The following ZDHHC14 variants were observed in gnomAD, a reference collection of about 807,000 sequenced individuals.
ZDHHC14 encodes the protein zDHHC palmitoyltransferase 14.
In ZDHHC14, 16 loss-of-function variants were observed where a neutral mutation model predicts 47.7. That is an observed-to-expected ratio of 0.34 (90% CI 0.23 to 0.51). The LOEUF is 0.51. Ranked by LOEUF, ZDHHC14 falls within the 20% of genes least tolerant of loss-of-function variation. The pLI is 0.97. For synonymous variants in ZDHHC14, 293 were observed against 278.9 expected (o/e 1.05, Z -0.50); for missense variants, 515 against 662.5 (o/e 0.78, Z 2.44).
chr6:157,594,863 G>C (rs1784059576), intron 3 of ZDHHC14, among the ~76,000 whole-genome samples: 1 of 152,102 alleles, frequency 6.6e-6, no homozygotes, highest in South Asian at 2.1e-4. Flanking sequence ...AATATCTCTG[G>C]GGGAACCGTC....
rs577725017 is a variant in ZDHHC14, at chr6:157,646,574, C to T, written c.856-685C>T. Among the ~76,000 whole-genome samples the T allele has an allele frequency of 5.4e-5, 8 of 147,844 alleles. No individual in the cohort carries two copies. The East Asian group carries it at 1.4e-3, about 25-fold the overall frequency. ...GTTGCAGTGAGCTGAGATAGCGCCA[C>T]TGCACTCCAGCCTGGGTGACAGAGC... On this transcript the variant is annotated intron_variant, in intron 6 of 8. Coordinates refer to ENST00000359775, the MANE Select transcript of ZDHHC14 (RefSeq NM_024630.3).
intron 1 of ZDHHC14, among the ~76,000 whole-genome samples, chr6:157,476,373 G>C (rs1779483522): frequency 1.3e-5 from 2 of 152,114 alleles, no homozygotes; most frequent in Non-Finnish European, 2.9e-5. Flanking sequence ...TAGAAAACCT[G>C]AACAAACCAA....
At chr6:157,554,011 A>G (rs1782353839) in intron 2 of ZDHHC14, among the ~76,000 whole-genome samples, 1 of 152,216 alleles carries the variant, frequency 6.6e-6, no homozygotes, top group Non-Finnish European at 1.5e-5. Context: ...AGGCTTTTAG[A>G]GAAAAAACTT....
At chr6:157,394,589 C>G (rs900668952) in intron 1 of ZDHHC14, among the ~76,000 whole-genome samples, 13 of 152,212 alleles carry the variant, frequency 8.5e-5, no homozygotes. Context: ...TGAACCTTCA[C>G]GTGCTTTGAC....
rs534114813 is a variant in ZDHHC14 at position 157,592,131 on chromosome 6, G to A, written c.407-857G>A. On this transcript the variant is annotated intron_variant, in intron 2 of 8. Transcript: ENST00000359775. ...AACCTTGCCCACGTGAGAACAACCC[G>A]GGTCATTCTGATTTAATAAATCTGG... 2.5e-4 allele frequency among the ~76,000 whole-genome samples: 38 copies of A among 152,002 alleles called. No homozygotes were observed. The South Asian group carries it at 5.0e-3, about 20-fold the overall frequency.
intron 7 of ZDHHC14, among the ~76,000 whole-genome samples, chr6:157,649,307 C>T (rs587437): frequency 0.39 from 59,976 of 152,042 alleles, 12,127 homozygotes; most frequent in African/African-American, 0.47. Context: ...TGGGTGAAGG[C>T]AGAGCAAGAC....
chr6:157,393,240 C>A (rs1777455431), intron 1 of ZDHHC14, among the ~76,000 whole-genome samples: 1 of 152,218 alleles, frequency 6.6e-6, no homozygotes, highest in African/African-American at 2.4e-5. Flanking sequence ...ATAATCATTT[C>A]TGTACATCTT....
chr6:157,388,907 C>T (rs1038808981), intron 1 of ZDHHC14, among the ~76,000 whole-genome samples: 5 of 152,174 alleles, frequency 3.3e-5, no homozygotes, highest in African/African-American at 7.2e-5. Context: ...TCCCTGAGGT[C>T]GTCACAGTCT....
At chr6:157,473,368 A>G (rs867170627) in intron 1 of ZDHHC14, among the ~76,000 whole-genome samples, 1 of 152,260 alleles carries the variant, frequency 6.6e-6, no homozygotes, top group Middle Eastern at 3.4e-3. Flanking sequence ...TTCTTCGATA[A>G]GTTTCACTTT....
chr6:157,577,830 CG>C (rs1232520822), intron 2 of ZDHHC14, among the ~76,000 whole-genome samples: 4 of 152,202 alleles, frequency 2.6e-5, no homozygotes, highest in South Asian at 2.1e-4. Flanking sequence ...GGATTACAGG[CG>C]TGAGCCACAG....
chr6:157,642,126 C>G (rs550542333), intron 5 of ZDHHC14, among the ~76,000 whole-genome samples: 10 of 152,256 alleles, frequency 6.6e-5, no homozygotes, highest in Admixed American at 4.6e-4. Flanking sequence ...TGCACAAGCC[C>G]ACATTGTATT....
At chr6:157,441,635 T>C (rs191001681) in intron 1 of ZDHHC14, among the ~76,000 whole-genome samples, 2 of 152,278 alleles carry the variant, frequency 1.3e-5, no homozygotes, top group Non-Finnish European at 2.9e-5. Flanking sequence ...GATCAGGAGT[T>C]TGAGACCAGC....
At chr6:157,634,641 C>T (rs551360835) in intron 5 of ZDHHC14, among the ~76,000 whole-genome samples, 1 of 152,364 alleles carries the variant, frequency 6.6e-6, no homozygotes, top group South Asian at 2.1e-4. Context: ...TCAGAACTGG[C>T]ACTGGGGCCC....
chr6:157,550,490 C>T (rs1782183812), intron 2 of ZDHHC14, among the ~76,000 whole-genome samples: 1 of 151,540 alleles, frequency 6.6e-6, no homozygotes. Context: ...CACAGCGTCA[C>T]ACAGGCACTC....
chr6:157,409,374 G>T (rs1048770052), intron 1 of ZDHHC14, among the ~76,000 whole-genome samples: 1 of 152,178 alleles, frequency 6.6e-6, no homozygotes, highest in Non-Finnish European at 1.5e-5. Context: ...CTTTCTAGAA[G>T]CAGAGGGAGC....
chr6:157,491,716 T>G (rs1006025963), intron 1 of ZDHHC14, among the ~76,000 whole-genome samples: 3 of 152,124 alleles, frequency 2.0e-5, no homozygotes, highest in African/African-American at 7.2e-5. Context: ...CTGGCTTGAG[T>G]CTCACTAACA....
chr6:157,404,122 A>G (rs1357031509), intron 1 of ZDHHC14, among the ~76,000 whole-genome samples: 2 of 152,222 alleles, frequency 1.3e-5, no homozygotes, highest in Non-Finnish European at 2.9e-5. Flanking sequence ...TACGTTGAAC[A>G]TGGAAAGTGG....
At chr6:157,572,866 A>G (rs1448125342) in intron 2 of ZDHHC14, among the ~76,000 whole-genome samples, 1 of 146,052 alleles carries the variant, frequency 6.8e-6, no homozygotes, top group Non-Finnish European at 1.5e-5. Flanking sequence ...TAGACAGAAA[A>G]AGGTTTTCTA....
chr6:157,430,544 G>A (rs141697828), intron 1 of ZDHHC14, among the ~76,000 whole-genome samples: 1 of 152,222 alleles, frequency 6.6e-6, no homozygotes, highest in African/African-American at 2.4e-5. Context: ...GTCAGGGCGG[G>A]TCCTTCTCAC....
Sources: gnomAD v4.1 joint callset for allele counts (sites outside exome capture counted in the v4.1 genomes callset) on GRCh38, gnomAD v4.1.1 for gene constraint, MANE v1.5 for transcripts, NCBI Gene and HGNC (gene_info 2026-07-23, HGNC 2026-07-21) for gene names.